Variants in ELMO1 observed in about 807,000 individuals in gnomAD.
ELMO1 encodes engulfment and cell motility 1.
Under a neutral mutation model 98.9 loss-of-function variants are expected in ELMO1, and 26 were observed. The ratio of observed to expected loss-of-function variants is 0.26; its 90% confidence interval spans 0.19 to 0.36. The LOEUF is 0.36. Ranked by LOEUF, ELMO1 falls within the 10% of genes least tolerant of loss-of-function variation. The pLI is 1.00. For synonymous variants in ELMO1, 346 were observed against 346.0 expected (o/e 1.00, Z 0.00); for missense variants, 627 against 935.2 (o/e 0.67, Z 4.30).
rs973602298 is a variant in ELMO1, at chr7:36,854,174, T to C, written c.*1377A>G. On this transcript the variant is annotated 3_prime_UTR_variant, in exon 22 of 22. Coordinates refer to ENST00000310758, the MANE Select transcript of ELMO1 (RefSeq NM_014800.11). ...ATTCTCCACTGATGCTCAGAGCCTA[T>C]GGTGACCTAGCAATGGTGGAGGGTT... Among the ~76,000 whole-genome samples the C allele has an allele frequency of 2.0e-5, 3 of 152,126 alleles. No homozygotes were observed. Among genetic ancestry groups the C allele is most frequent in the African/African-American group, 4.8e-5 (2 of 41,362 alleles).
At chr7:37,093,545 G>A (rs1468282416) in intron 15 of ELMO1, among the ~76,000 whole-genome samples, 1 of 152,214 alleles carries the variant, frequency 6.6e-6, no homozygotes, top group Non-Finnish European at 1.5e-5. Flanking sequence ...ACCAAGTGAA[G>A]ATAGATTTGT....
intron 4 of ELMO1, among the ~76,000 whole-genome samples, chr7:37,295,232 A>C (rs1797973566): frequency 6.6e-6 from 1 of 152,224 alleles, no homozygotes; most frequent in South Asian, 2.1e-4. Context: ...AGAGATAGAA[A>C]ATTTGATAGA....
intron 4 of ELMO1, among the ~76,000 whole-genome samples, chr7:37,274,058 T>C (rs368860090): frequency 6.6e-6 from 1 of 152,126 alleles, no homozygotes; most frequent in Non-Finnish European, 1.5e-5. Flanking sequence ...GTGTAGAGCA[T>C]CCCCTGATGC....
chr7:37,132,116 GGAAAC>G (rs1158073919), intron 14 of ELMO1, among the ~76,000 whole-genome samples: 1 of 152,112 alleles, frequency 6.6e-6, no homozygotes, highest in Non-Finnish European at 1.5e-5. Flanking sequence ...GGTTTACAGA[GGAAAC>G]ATGAGGCCAG....
chr7:37,373,064 G>T (rs1190219961), intron 1 of ELMO1, among the ~76,000 whole-genome samples: 1 of 152,186 alleles, frequency 6.6e-6, no homozygotes, highest in African/African-American at 2.4e-5. Context: ...CAGGTAAATG[G>T]TTCTGTCTGA....
chr7:37,014,380 C>T (rs998190239), intron 15 of ELMO1, among the ~76,000 whole-genome samples: 1 of 152,058 alleles, frequency 6.6e-6, no homozygotes, highest in African/African-American at 2.4e-5. Context: ...AATATATATG[C>T]TGTTACATAC....
chr7:37,224,530 T>A (rs1390782234), intron 9 of ELMO1, among the ~76,000 whole-genome samples: 1 of 152,234 alleles, frequency 6.6e-6, no homozygotes, highest in Non-Finnish European at 1.5e-5. Context: ...AAACATTAAC[T>A]TACATGGTTT....
At chr7:36,957,217 T>A (rs1788531454) in intron 16 of ELMO1, among the ~76,000 whole-genome samples, 1 of 145,710 alleles carries the variant, frequency 6.9e-6, no homozygotes, top group Non-Finnish European at 1.5e-5. Context: ...ATCTAGAAAG[T>A]AATGAACAAA....
chr7:37,223,533 T>A (rs1050983274), intron 9 of ELMO1, among the ~76,000 whole-genome samples: 1 of 152,222 alleles, frequency 6.6e-6, no homozygotes, highest in Non-Finnish European at 1.5e-5. Flanking sequence ...AATGAGATTA[T>A]GCATGTAAAA....
intron 5 of ELMO1, among the ~76,000 whole-genome samples, chr7:37,262,898 T>C (rs181843664): frequency 6.6e-6 from 1 of 152,334 alleles, no homozygotes; most frequent in East Asian, 1.9e-4. Flanking sequence ...GATGAGATCA[T>C]GTTTAAGGTT....
At chr7:37,296,293 C>G (rs1798023532) in intron 4 of ELMO1, among the ~76,000 whole-genome samples, 1 of 152,118 alleles carries the variant, frequency 6.6e-6, no homozygotes, top group African/African-American at 2.4e-5. Context: ...TGGCTGTTGG[C>G]CAGGGACCCC....
chr7:37,078,602 GTAAA>G (rs1325252431), intron 15 of ELMO1, among the ~76,000 whole-genome samples: 3 of 152,172 alleles, frequency 2.0e-5, no homozygotes, highest in Admixed American at 2.0e-4. Flanking sequence ...GGTTAATTTG[GTAAA>G]TAAATAAAAA....
chr7:37,232,837 G>A (rs1173800874), intron 8 of ELMO1, among the ~76,000 whole-genome samples: 1 of 152,202 alleles, frequency 6.6e-6, no homozygotes, highest in Admixed American at 6.5e-5. Context: ...ACACACTTGT[G>A]CAGTTATTAA....
intron 14 of ELMO1, among the ~76,000 whole-genome samples, chr7:37,116,604 A>ATG (rs1785606338): frequency 6.6e-6 from 1 of 152,128 alleles, no homozygotes; most frequent in Non-Finnish European, 1.5e-5. Context: ...AGTTCACTAT[A>ATG]CAGCTTAGCT....
chr7:37,291,939 T>TCCCC (rs1360248672), intron 4 of ELMO1, among the ~76,000 whole-genome samples: 5,599 of 64,260 alleles, frequency 0.087, 832 homozygotes, highest in African/African-American at 0.32. Context: ...TCCCCCTCCC[T>TCCCC]CTCCCTCTGC....
Position 37,126,374 on chromosome 7 carries a change from TCAAA to T in ELMO1, c.1191+6752_1191+6755del, listed in dbSNP as rs1224493769. 6.1e-5 allele frequency among the ~76,000 whole-genome samples: 9 copies of T among 148,622 alleles called. No homozygotes were observed. The South Asian group carries it at 1.9e-3, about 32-fold the overall frequency. On this transcript the variant is annotated intron_variant, in intron 14 of 21. Coordinates refer to ENST00000310758, the MANE Select transcript of ELMO1 (RefSeq NM_014800.11). ...ATTTATCACATAGCACCATGCCGAA[TCAAA>T]CAGAGAAAAGGGGTCAGGCTTGTTC...
chr7:36,889,646 A>C (rs1805380661), intron 17 of ELMO1, among the ~76,000 whole-genome samples: 1 of 152,230 alleles, frequency 6.6e-6, no homozygotes, highest in Admixed American at 6.5e-5. Context: ...AGTGATGAAG[A>C]CCAAGAGAAG....
chr7:36,964,178 A>G (rs1789206676), intron 16 of ELMO1, among the ~76,000 whole-genome samples: 1 of 152,202 alleles, frequency 6.6e-6, no homozygotes, highest in Non-Finnish European at 1.5e-5. Flanking sequence ...ATTATTGTAT[A>G]TGACTCAGTG....
At chr7:37,105,685 C>T (rs753077582) in intron 14 of ELMO1, among the ~76,000 whole-genome samples, 1 of 152,200 alleles carries the variant, frequency 6.6e-6, no homozygotes, top group African/African-American at 2.4e-5. Flanking sequence ...CATCTACATT[C>T]CCAATTTCCA....
Sources: gnomAD v4.1 joint callset for allele counts (sites outside exome capture counted in the v4.1 genomes callset) on GRCh38, gnomAD v4.1.1 for gene constraint, MANE v1.5 for transcripts, NCBI Gene and HGNC (gene_info 2026-07-23, HGNC 2026-07-21) for gene names.